The following TXNRD1 variants were observed in gnomAD, a reference collection of about 807,000 sequenced individuals.
TXNRD1 encodes the protein thioredoxin reductase 1, cytoplasmic.
A neutral mutation model predicts 80.3 loss-of-function variants in TXNRD1; 57 were observed. The ratio of observed to expected loss-of-function variants is 0.71; its 90% CI spans 0.57 to 0.89. The LOEUF (loss-of-function observed/expected upper bound fraction) is 0.89, where lower values mean the gene tolerates loss of function less well. Ranked by LOEUF, TXNRD1 falls within the 40% of genes least tolerant of loss-of-function variation. The probability of loss-of-function intolerance (pLI) is 0.00; values close to 1 mark genes in which losing one functional copy is unlikely to be tolerated. For missense variants in TXNRD1, 730 were observed against 803.0 expected (o/e 0.91, Z 1.10); for synonymous variants, 291 against 285.2 (o/e 1.02, Z -0.20).
At chr12:104,274,399 TTAA>T (rs915324680) in intron 3 of TXNRD1, among the ~76,000 whole-genome samples, 3 of 151,944 alleles carry the variant, frequency 2.0e-5, no homozygotes, top group African/African-American at 4.8e-5. Flanking sequence ...AATTTAGAGG[TTAA>T]TAATAATAAG....
chr12:104,333,770 T>C (rs891174662), intron 14 of TXNRD1, among the ~76,000 whole-genome samples: 1 of 152,136 alleles, frequency 6.6e-6, no homozygotes, highest in Non-Finnish European at 1.5e-5. Context: ...TCATTGCTTT[T>C]AGTGAATAAT....
chr12:104,316,840 A>G (rs983549557), intron 7 of TXNRD1, among the ~76,000 whole-genome samples: 4 of 152,226 alleles, frequency 2.6e-5, no homozygotes, highest in African/African-American at 7.2e-5. Flanking sequence ...AGACCTATGC[A>G]TTATGGAGCA....
chr12:104,257,426 A>G (rs1321892374), intron 2 of TXNRD1, among the ~76,000 whole-genome samples: 9 of 74,074 alleles, frequency 1.2e-4, no homozygotes, highest in Non-Finnish European at 1.8e-4. Context: ...TTTTTTTTTG[A>G]AACAGAGTCT....
chr12:104,306,827 G>C (rs923539954), intron 4 of TXNRD1, among the ~76,000 whole-genome samples: 2 of 152,126 alleles, frequency 1.3e-5, no homozygotes, highest in Non-Finnish European at 2.9e-5. Context: ...TACCAACCAA[G>C]TTCCTTGGGT....
At chr12:104,255,526 C>T (rs1372196461) in intron 2 of TXNRD1, among the ~76,000 whole-genome samples, 1 of 152,154 alleles carries the variant, frequency 6.6e-6, no homozygotes, top group Non-Finnish European at 1.5e-5. Context: ...TGCCCGAGCG[C>T]AGTGACTCAC....
In TXNRD1 at chr12:104,285,413, C is replaced by T. The variant is rs36066763; in HGVS notation, c.305-3518C>T. On this transcript the variant is annotated intron_variant, in intron 3 of 16. Transcript: ENST00000525566. ...AAAGAAAAATAACTACATGGTGCTA[C>T]TCTGGGCATCTTTGCTATAATTTGC... 8.9e-3 allele frequency among the ~76,000 whole-genome samples: 1,350 copies of T among 152,256 alleles called. 21 individuals carry two copies. Among genetic ancestry groups the T allele is most frequent in the African/African-American group, 0.03 (1,254 of 41,548 alleles).
At chr12:104,231,843 G>T (rs2032631875) in intron 1 of TXNRD1, among the ~76,000 whole-genome samples, 1 of 152,176 alleles carries the variant, frequency 6.6e-6, no homozygotes, top group African/African-American at 2.4e-5. Context: ...CTTCCAAGCT[G>T]CAGGTGATCA....
intron 3 of TXNRD1, among the ~76,000 whole-genome samples, chr12:104,260,202 T>C (rs2033337235): frequency 6.6e-6 from 1 of 152,108 alleles, no homozygotes; most frequent in Non-Finnish European, 1.5e-5. Context: ...GCATGGTGGC[T>C]CATGCCTCTA....
At chr12:104,329,793 T>G (rs2035889341) in intron 13 of TXNRD1, among the ~76,000 whole-genome samples, 1 of 152,212 alleles carries the variant, frequency 6.6e-6, no homozygotes, top group Admixed American at 6.5e-5. Context: ...CCTTTCTGGT[T>G]TTCTGCCTTG....
chr12:104,277,651 A>G (rs1329358793), intron 3 of TXNRD1, among the ~76,000 whole-genome samples: 1 of 152,104 alleles, frequency 6.6e-6, no homozygotes, highest in Non-Finnish European at 1.5e-5. Flanking sequence ...TTCAGGGTGG[A>G]TGATTCATGG....
chr12:104,257,323 A>G (rs2033276316), intron 2 of TXNRD1, among the ~76,000 whole-genome samples: 1 of 152,030 alleles, frequency 6.6e-6, no homozygotes. Flanking sequence ...GCCAAAAAAG[A>G]AATAATACTT....
At chr12:104,220,739 A>AG (rs1246031636) in intron 1 of TXNRD1, among the ~76,000 whole-genome samples, 9 of 31,740 alleles carry the variant, frequency 2.8e-4, no homozygotes, top group Non-Finnish European at 4.9e-4. Flanking sequence ...AAAAAAAAAA[A>AG]CGGTGGGGGG....
At position 104,322,356 on chromosome 12, in the gene TXNRD1, G is replaced by C. The variant is rs1262858678; in HGVS notation, c.1215+1040G>C. ...AAGCTGTCAGTGCTTGATTACTGTA[G>C]CTGTTTTTTATTTTTACCTTTTTTT... On this transcript the variant is annotated intron_variant, in intron 10 of 16. Coordinates refer to ENST00000525566, the MANE Select transcript of TXNRD1 (RefSeq NM_001093771.3). Among the ~76,000 whole-genome samples the C allele has an allele frequency of 5.4e-5, 8 of 147,660 alleles. No homozygotes were observed. In the South Asian group the frequency reaches 1.3e-3, roughly 24 times the overall value.
At chr12:104,316,359 G>C (rs1593825378) in intron 7 of TXNRD1, among the ~76,000 whole-genome samples, 1 of 152,034 alleles carries the variant, frequency 6.6e-6, no homozygotes, top group East Asian at 1.9e-4. Flanking sequence ...CCCTAGATGA[G>C]TTTAAGAGAT....
At chr12:104,286,609 A>G (rs1177358733) in intron 3 of TXNRD1, 3 of 534,030 alleles carry the variant, frequency 5.6e-6, no homozygotes, top group Admixed American at 6.4e-5. Context: ...TTTTAAACGC[A>G]GAGGCCCAGG....
At chr12:104,221,065 C>T (rs1422240558) in intron 1 of TXNRD1, among the ~76,000 whole-genome samples, 1 of 152,114 alleles carries the variant, frequency 6.6e-6, no homozygotes, top group South Asian at 2.1e-4. Context: ...ACCAGGAGTT[C>T]AAGACCAGCC....
intron 1 of TXNRD1, 113 bp downstream of exon 1, chr12:104,216,006 G>C (rs2032199076): frequency 1.3e-5 from 11 of 862,408 alleles, no homozygotes; most frequent in Admixed American, 1.2e-4. Context: ...CCTCACTGGA[G>C]TCAGTGACTG....
chr12:104,334,285 G>C lies in TXNRD1; in HGVS notation c.1699G>C (p.Asp567His). The C allele has an allele frequency of 6.5e-7, 1 of 1,539,270 alleles. No individual in the cohort carries two copies. Among genetic ancestry groups the C allele is most frequent in the Non-Finnish European group, 8.8e-7 (1 of 1,139,910 alleles). Residue 567 changes from aspartate (D) to histidine (H), a missense_variant, in exon 15 of 17, where the codon GAT (aspartate) becomes CAT (histidine). By Grantham distance (81) the Asp-to-His change is moderately conservative (BLOSUM62 -1). Coordinates refer to ENST00000525566, the MANE Select transcript of TXNRD1 (RefSeq NM_001093771.3). ...ATTGGAATGGACGATTCCGTCAAGA[G>C]ATAACAACAAATGTTATGCAAAAAT... ...WPLEWTIPSR[D>H]NNKCYAKIIC...
chr12:104,230,727 G>C (rs990374610), intron 1 of TXNRD1, among the ~76,000 whole-genome samples: 3 of 152,184 alleles, frequency 2.0e-5, no homozygotes, highest in African/African-American at 7.2e-5. Flanking sequence ...CCCCCATACA[G>C]AGACAGAGGG....
Sources: allele counts gnomAD v4.1 joint callset (sites outside exome capture counted in the v4.1 genomes callset), GRCh38; gene constraint gnomAD v4.1.1; transcripts MANE v1.5; gene names NCBI Gene and HGNC (gene_info 2026-07-23, HGNC 2026-07-21).